Variants in IL12RB2 observed in about 807,000 individuals in gnomAD.
IL12RB2 encodes the protein interleukin-12 receptor subunit beta-2.
A neutral mutation model predicts 89.4 loss-of-function variants in IL12RB2; 82 were observed. The ratio of observed to expected loss-of-function variants is 0.92; its 90% confidence interval spans 0.77 to 1.10. IL12RB2 has a LOEUF of 1.10. Ranked by LOEUF, IL12RB2 falls within the 50% of genes least tolerant of loss-of-function variation. The pLI is 0.00. For missense variants in IL12RB2, 963 were observed against 1,031.9 expected (o/e 0.93, Z 0.92); for synonymous variants, 368 against 370.1 (o/e 0.99, Z 0.07).
At chr1:67,333,635 A>C (rs933186220) in intron 8 of IL12RB2, among the ~76,000 whole-genome samples, 3 of 152,164 alleles carry the variant, frequency 2.0e-5, no homozygotes, top group Admixed American at 1.3e-4. Context: ...AAAGTAAGGG[A>C]TAGGAGGAAA....
At chr1:67,346,398 T>G (rs1237929179) in intron 9 of IL12RB2, among the ~76,000 whole-genome samples, 4 of 72,196 alleles carry the variant, frequency 5.5e-5, no homozygotes, top group Admixed American at 3.2e-4. Context: ...TTTTTTTTTT[T>G]TTTTTTTCGA....
chr1:67,381,715 G>A lies in IL12RB2; in HGVS notation c.1855+1592G>A, dbSNP rs1486772512. ...CAGGAGGCGGAGCTTGCAGTGAGCC[G>A]AGATGGCACCACTGCCCTCCAGCCT... On this transcript the variant is annotated intron_variant, in intron 14 of 16. Transcript: ENST00000674203. Among the ~76,000 whole-genome samples, 5 of 150,376 alleles carry A rather than the reference G, an allele frequency of 3.3e-5. No homozygotes were observed. In the East Asian group the frequency reaches 9.8e-4, roughly 29 times the overall value.
Position 67,321,896 on chromosome 1 carries a change from A to G in IL12RB2, c.364+7A>G. ...GCAGAGATCTTCGTTGGTGGTGAGC[A>G]TTCCATTTTGAATTTTTAAAACTTG... On this transcript the variant is annotated splice_region_variant and intron_variant, in intron 4 of 16. Transcript: ENST00000674203. 1 of 1,612,004 alleles carries G rather than the reference A, an allele frequency of 6.2e-7. No homozygotes were observed. Among genetic ancestry groups the G allele is most frequent in the Non-Finnish European group, 8.5e-7 (1 of 1,178,050 alleles).
rs138759281 is a variant in IL12RB2, at chr1:67,328,253, G to T, written c.533G>T (p.Cys178Phe). 2 of 1,614,130 alleles carry T rather than the reference G, an allele frequency of 1.2e-6. No homozygotes were observed. Among genetic ancestry groups the T allele is most frequent in the East Asian group, 2.2e-5 (1 of 44,874 alleles). ...CAGAAGCAATGTAAAGACATTTATT[G>T]TGACTATTTGGACTTTGGAATCAAC... ...TWQKQCKDIY[C>F]DYLDFGINLT... Residue 178 changes from cysteine (C) to phenylalanine (F), a missense_variant, in exon 6 of 17, where the codon TGT becomes TTT. Physicochemically the swap from Cys to Phe is radical, Grantham distance 205. Coordinates refer to ENST00000674203, the MANE Select transcript of IL12RB2 (RefSeq NM_001374259.2).
At chr1:67,345,840 G>A (rs1660156483) in intron 9 of IL12RB2, among the ~76,000 whole-genome samples, 1 of 151,988 alleles carries the variant, frequency 6.6e-6, no homozygotes, top group South Asian at 2.1e-4. Flanking sequence ...AGCAGAATGT[G>A]GCCAGTGCAA....
chr1:67,360,594 G>GAGACCAGCCAGTTCA (rs1405145039), intron 10 of IL12RB2, among the ~76,000 whole-genome samples: 5 of 151,918 alleles, frequency 3.3e-5, no homozygotes, highest in Non-Finnish European at 7.4e-5. Context: ...TCAGGAGTTT[G>GAGACCAGCCAGTTCA]AGACCAGCCT....
chr1:67,326,927 ATTTAT>A, intron 5 of IL12RB2, 78 bp downstream of exon 5: 2 of 1,036,668 alleles, frequency 1.9e-6, no homozygotes, highest in Non-Finnish European at 2.5e-6. Flanking sequence ...TGTTTTCTTT[ATTTAT>A]TTTTATTTTA....
At chr1:67,336,273 C>T (rs1381279525) in intron 8 of IL12RB2, among the ~76,000 whole-genome samples, 1 of 152,176 alleles carries the variant, frequency 6.6e-6, no homozygotes, top group East Asian at 1.9e-4. Flanking sequence ...TTGCCAGCCT[C>T]CTTGTCCTCA....
chr1:67,394,028 C>T (rs1464600117), intron 16 of IL12RB2, among the ~76,000 whole-genome samples: 1 of 152,114 alleles, frequency 6.6e-6, no homozygotes, highest in Non-Finnish European at 1.5e-5. Flanking sequence ...TCACCAGGGG[C>T]CTCATGGAAG....
intron 16 of IL12RB2, 66 bp downstream of exon 16, chr1:67,390,194 T>C (rs1665653048): frequency 2.4e-6 from 2 of 843,266 alleles, no homozygotes; most frequent in Admixed American, 3.5e-5. Context: ...AAGTTTTCCA[T>C]TGTAGTTACG....
chr1:67,376,602 TC>T, intron 13 of IL12RB2, among the ~76,000 whole-genome samples: 1 of 152,304 alleles, frequency 6.6e-6, no homozygotes, highest in Admixed American at 6.5e-5. Flanking sequence ...TTGACTTCTT[TC>T]TTCTATTCAG....
Position 67,368,027 on chromosome 1 carries a change from T to G in IL12RB2, c.1459+2T>G. The G allele has an allele frequency of 6.4e-7, 1 of 1,569,930 alleles. No homozygotes were observed. The highest frequency in any genetic ancestry group is 8.8e-7 in the Non-Finnish European group (1 of 1,139,856). ...ACAATGTGTCTGCTCTGATTTCAGG[T>G]ACCTAATTGTTCACCTTCCTTCTAG... On this transcript the variant is annotated splice_donor_variant, in intron 11 of 16. Transcript: ENST00000674203. LOFTEE classifies it high-confidence loss of function.
Position 67,372,542 on chromosome 1 carries a change from T to C in IL12RB2, c.1558+8T>C, listed in dbSNP as rs374557242. Reference sequence around the variant, plus strand: ...GTAACTCTAAGCACAAAGGTGAGTCTTGGGATCTTTTGCCAAATTTTGCTT... The same window carrying C: ...GTAACTCTAAGCACAAAGGTGAGTCCTGGGATCTTTTGCCAAATTTTGCTT... On this transcript the variant is annotated splice_region_variant and intron_variant, in intron 12 of 16. Coordinates refer to ENST00000674203, the MANE Select transcript of IL12RB2 (RefSeq NM_001374259.2). The C allele has an allele frequency of 6.3e-5, 101 of 1,601,348 alleles. No individual in the cohort carries two copies. The highest frequency in any genetic ancestry group is 8.5e-5 in the Non-Finnish European group (99 of 1,168,460).
chr1:67,308,398 T>C (rs1004925653), intron 1 of IL12RB2, among the ~76,000 whole-genome samples: 2 of 152,090 alleles, frequency 1.3e-5, no homozygotes, highest in Non-Finnish European at 2.9e-5. Flanking sequence ...CTTGAAAATG[T>C]ATCAAATGTG....
intron 5 of IL12RB2, among the ~76,000 whole-genome samples, chr1:67,327,639 C>T (rs1300778229): frequency 6.6e-6 from 1 of 152,188 alleles, no homozygotes; most frequent in Non-Finnish European, 1.5e-5. Flanking sequence ...CTGGGAGATT[C>T]TGTTCCTTGA....
chr1:67,384,549 T>C (rs2101102107), intron 14 of IL12RB2, among the ~76,000 whole-genome samples: 1 of 152,322 alleles, frequency 6.6e-6, no homozygotes, highest in African/African-American at 2.4e-5. Flanking sequence ...GTAATTAACA[T>C]TTGGCTCCTC....
rs140953348 is a variant in IL12RB2 at position 67,397,824 on chromosome 1, G to C, written c.*1735G>C. Among the ~76,000 whole-genome samples the C allele has an allele frequency of 2.0e-3, 309 of 152,298 alleles. 8 individuals carry two copies. In the East Asian group the frequency reaches 0.054, roughly 27 times the overall value. On this transcript the variant is annotated 3_prime_UTR_variant, in exon 17 of 17. Transcript: ENST00000674203. The stretch of plus-strand genomic sequence containing the variant: ...TGAGATGGCTTCCCCATCATCGTCT[G>C]GATTTTCATTTAACAAAGTACTTGT...
In IL12RB2 at chr1:67,351,177, A is replaced by G. The variant is rs17129846; in HGVS notation, c.1258+88A>G. The G allele has an allele frequency of 7.0e-4, 1,094 of 1,561,350 alleles. 11 individuals are homozygous for G. The African/African-American group carries it at 0.013, about 19-fold the overall frequency. ...CCTGCAGGCCCAACCCAGGACCTAA[A>G]ATGAGTAGCTAGGAGTTCAGGCTTT... is the stretch of plus-strand genomic sequence containing the variant. On this transcript the variant is annotated intron_variant, in intron 10 of 16. Coordinates refer to ENST00000674203, the MANE Select transcript of IL12RB2 (RefSeq NM_001374259.2).
chr1:67,347,168 GA>G (rs1660333603), intron 9 of IL12RB2, among the ~76,000 whole-genome samples: 1 of 151,982 alleles, frequency 6.6e-6, no homozygotes, highest in Non-Finnish European at 1.5e-5. Context: ...GCTCTAATAA[GA>G]AAAAAATCAA....
Sources: allele counts gnomAD v4.1 joint callset (sites outside exome capture counted in the v4.1 genomes callset), GRCh38; gene constraint gnomAD v4.1.1; transcripts MANE v1.5; gene names NCBI Gene and HGNC (gene_info 2026-07-23, HGNC 2026-07-21).